Variants in DNAH5 observed in about 807,000 individuals in gnomAD.
The protein encoded by DNAH5 is dynein axonemal heavy chain 5, also known as axonemal beta dynein heavy chain 5.
DNAH5 carries 372 observed loss-of-function variants against 518.2 expected under a neutral mutation model. The observed-to-expected ratio is 0.72, with a 90% confidence interval of 0.66 to 0.78. DNAH5 has a LOEUF of 0.78. Ranked by LOEUF, DNAH5 falls within the 30% of genes least tolerant of loss-of-function variation. The pLI is 0.00. For missense variants in DNAH5, 5,523 were observed against 5,687.0 expected, an observed-to-expected ratio of 0.97 and a Z score of 0.93; for synonymous variants, 2,039 against 2,025.9, an observed-to-expected ratio of 1.01 and a Z score of -0.17.
chr5:13,970,179 G>A (rs1395426860), intron 1 of DNAH5, among the ~76,000 whole-genome samples: 1 of 152,146 alleles, frequency 6.6e-6, no homozygotes, highest in Non-Finnish European at 1.5e-5. Context: ...AAATGTATGT[G>A]AGTCCTTATG....
At chr5:13,880,206 C>A (rs200156040) in intron 21 of DNAH5, among the ~76,000 whole-genome samples, 2 of 152,056 alleles carry the variant, frequency 1.3e-5, no homozygotes, top group African/African-American at 4.8e-5. Flanking sequence ...GCAATTCTAG[C>A]TTTCAAAAAC....
chr5:13,909,740 T>C (rs1775759470), intron 12 of DNAH5, among the ~76,000 whole-genome samples: 1 of 152,178 alleles, frequency 6.6e-6, no homozygotes, highest in East Asian at 1.9e-4. Context: ...CATTACTCTG[T>C]TCTAATGTAT....
At chr5:13,834,086 C>T (rs4329018) in intron 35 of DNAH5, among the ~76,000 whole-genome samples, 63,004 of 152,018 alleles carry the variant, frequency 0.41, 13,490 homozygotes, top group East Asian at 0.61. Flanking sequence ...CAGTTACTAT[C>T]GAAAATTAAT....
chr5:13,840,012 C>T (rs1279019452), intron 34 of DNAH5, among the ~76,000 whole-genome samples: 1 of 152,212 alleles, frequency 6.6e-6, no homozygotes, highest in Admixed American at 6.5e-5. Context: ...AAATTTCTAA[C>T]ATCTAAATGA....
rs6864007 is a variant in DNAH5 at position 13,823,479 on chromosome 5, T to A, written c.6580-109A>T. ...GTCCGGGTTATTGCAATGTAACCAC[T>A]AACAAATAACATATCACCTTTATTG... is the stretch of plus-strand genomic sequence containing the variant. On this transcript the variant is annotated intron_variant, in intron 39 of 78. Coordinates refer to ENST00000265104, the MANE Select transcript of DNAH5 (RefSeq NM_001369.3). 0.39 allele frequency: 282,537 copies of A among 730,096 alleles called. 56,127 individuals carry two copies. Among genetic ancestry groups the A allele is most frequent in the East Asian group, 0.56 (21,927 of 38,872 alleles). 45.2% of individuals were successfully genotyped at this position (730,096 alleles called of 1,614,324 possible).
chr5:14,011,784 C>T (rs928139218), exon 1 of DNAH5, among the ~76,000 whole-genome samples: 1 of 152,202 alleles, frequency 6.6e-6, no homozygotes, highest in South Asian at 2.1e-4. Flanking sequence ...CCCGGCTAGC[C>T]GGCTGTTTGC....
At chr5:13,696,694 A>G (rs1426186414) in intron 78 of DNAH5, among the ~76,000 whole-genome samples, 4 of 152,194 alleles carry the variant, frequency 2.6e-5, no homozygotes, top group Non-Finnish European at 5.9e-5. Flanking sequence ...TTGAGTAAAA[A>G]TTAAATATAT....
intron 53 of DNAH5, among the ~76,000 whole-genome samples, chr5:13,778,781 A>G (rs12153762): frequency 0.31 from 46,403 of 152,000 alleles, 7,573 homozygotes; most frequent in South Asian, 0.42. Context: ...TCTCAGCCTT[A>G]GCCACATGGC....
chr5:13,771,547 C>T (rs1332499065), intron 55 of DNAH5, among the ~76,000 whole-genome samples: 1 of 152,170 alleles, frequency 6.6e-6, no homozygotes, highest in Non-Finnish European at 1.5e-5. Context: ...TAAAAAGTCT[C>T]CTGTTGGAGA....
At chr5:13,891,741 C>G (rs1028091771) in intron 16 of DNAH5, among the ~76,000 whole-genome samples, 1 of 152,148 alleles carries the variant, frequency 6.6e-6, no homozygotes, top group Non-Finnish European at 1.5e-5. Flanking sequence ...ACAAATTTGA[C>G]TAAAGTGAAA....
At chr5:13,786,466 C>T (rs1756029750) in intron 51 of DNAH5, 115 bp from the exon 52 acceptor site, 20 of 1,107,518 alleles carry the variant, frequency 1.8e-5, no homozygotes, top group Admixed American at 1.9e-5. Flanking sequence ...TCATTTTAAG[C>T]TAAATGCCAT....
chr5:13,893,810 C>A (rs1580777643), intron 16 of DNAH5, among the ~76,000 whole-genome samples: 2 of 149,846 alleles, frequency 1.3e-5, no homozygotes, highest in African/African-American at 4.9e-5. Flanking sequence ...CTTCTAGGGG[C>A]AAGACTCACT....
In DNAH5 at chr5:13,709,017, C is replaced by T. The variant is rs558189314; in HGVS notation, c.13126-682G>A. 1.1e-4 allele frequency among the ~76,000 whole-genome samples: 17 copies of T among 152,314 alleles called. No individual in the cohort carries two copies. The East Asian group carries it at 3.1e-3, about 28-fold the overall frequency. On this transcript the variant is annotated intron_variant, in intron 75 of 78. Coordinates refer to ENST00000265104, the MANE Select transcript of DNAH5 (RefSeq NM_001369.3). Reference sequence around the variant, plus strand: ...CCTAACTATTTCAACCCCTGTTAGACACGAATGACGCCTTTCCTGATCCTA... The same window carrying T: ...CCTAACTATTTCAACCCCTGTTAGATACGAATGACGCCTTTCCTGATCCTA...
rs559652382 is a variant in DNAH5 at position 13,831,945 on chromosome 5, G to A, written c.5883-1170C>T. Among the ~76,000 whole-genome samples the A allele has an allele frequency of 9.5e-4, 144 of 152,248 alleles. 1 individual carries two copies. The highest frequency in any genetic ancestry group is 3.3e-3 in the African/African-American group (138 of 41,550). ...CACAGAGATTGAGTGACTTTTCTCA[G>A]GACTGCGGCAGGACAGCTGAGACAA... On this transcript the variant is annotated intron_variant, in intron 35 of 78. Transcript: ENST00000265104.
At chr5:13,807,747 A>C (rs1362834432) in intron 46 of DNAH5, 22 bp from the exon 47 acceptor site, 3 of 1,590,108 alleles carry the variant, frequency 1.9e-6, no homozygotes, top group Non-Finnish European at 2.6e-6. Context: ...GGAATTGAAA[A>C]AAAAAGAAAT....
intron 1 of DNAH5, among the ~76,000 whole-genome samples, chr5:13,941,758 G>A (rs1438339199): frequency 6.6e-6 from 1 of 152,178 alleles, no homozygotes; most frequent in African/African-American, 2.4e-5. Context: ...GAAAGTTCAT[G>A]AGCAACAGCA....
chr5:13,906,483 A>G (rs1467628188), intron 12 of DNAH5, among the ~76,000 whole-genome samples: 1 of 152,214 alleles, frequency 6.6e-6, no homozygotes, highest in African/African-American at 2.4e-5. Flanking sequence ...AACCCAATTA[A>G]AAGTGTGATA....
intron 12 of DNAH5, among the ~76,000 whole-genome samples, chr5:13,910,934 G>A (rs911615649): frequency 6.6e-6 from 1 of 152,214 alleles, no homozygotes; most frequent in Non-Finnish European, 1.5e-5. Flanking sequence ...AAGTCCAAGC[G>A]GGGTCCAGGT....
chr5:13,865,602 C>G, intron 27 of DNAH5, 66 bp downstream of exon 27: 7 of 973,658 alleles, frequency 7.2e-6, no homozygotes, highest in Non-Finnish European at 1.2e-5. Flanking sequence ...GAGAACTTGG[C>G]TGCCTATCAA....
Sources: allele counts gnomAD v4.1 joint callset (sites outside exome capture counted in the v4.1 genomes callset), GRCh38; gene constraint gnomAD v4.1.1; transcripts MANE v1.5; gene names NCBI Gene and HGNC (gene_info 2026-07-23, HGNC 2026-07-21).